ZNF445: variants seen among roughly 807,000 people sequenced by gnomAD.
ZNF445 encodes zinc finger protein 168.
Under a neutral mutation model 93.9 loss-of-function variants are expected in ZNF445, and 19 were observed. That is an observed-to-expected ratio of 0.20 (90% CI 0.14 to 0.30). The LOEUF is 0.30. ZNF445 is among the 10% of genes least tolerant of loss of function. The pLI, the probability that ZNF445 is intolerant of heterozygous loss-of-function variation, is 1.00. For missense variants in ZNF445, 1,058 were observed against 1,259.4 expected, an observed-to-expected ratio of 0.84 and a Z score of 2.42; for synonymous variants, 449 against 446.3, an observed-to-expected ratio of 1.01 and a Z score of -0.08.
rs1276804950 is a variant in ZNF445, at chr3:44,445,102, C to A, written c.*1473G>T. ...CAGCAGGCACATGCACTTGTTCCTT[C>A]GGGTTGAATCTGATTGCTAGCACCA... On this transcript the variant is annotated 3_prime_UTR_variant, in exon 8 of 8. Transcript: ENST00000396077. The A allele has an allele frequency of 1.3e-5, 2 of 152,228 alleles. No individual in the cohort carries two copies. Among genetic ancestry groups the A allele is most frequent in the Admixed American group, 1.3e-4 (2 of 15,282 alleles). 9.4% of individuals were successfully genotyped at this position (152,228 alleles called of 1,614,324 possible).
chr3:44,473,575 T>G (rs1014875511), intron 1 of ZNF445, among the ~76,000 whole-genome samples: 12 of 150,448 alleles, frequency 8.0e-5, no homozygotes, highest in African/African-American at 2.7e-4. Context: ...ATAATGGGAG[T>G]GCCCAAAATT....
At chr3:44,471,422 A>T (rs1698267218) in intron 1 of ZNF445, among the ~76,000 whole-genome samples, 1 of 152,188 alleles carries the variant, frequency 6.6e-6, no homozygotes, top group East Asian at 1.9e-4. Flanking sequence ...AGGTCTCAGA[A>T]CTTGTTGCAA....
chr3:44,473,179 C>G (rs561426094), intron 1 of ZNF445, among the ~76,000 whole-genome samples: 1 of 151,962 alleles, frequency 6.6e-6, no homozygotes. Flanking sequence ...AAATGCAGGC[C>G]GGGCGCAGTG....
chr3:44,473,487 AC>A lies in ZNF445; in HGVS notation c.-269+4103del, dbSNP rs1559400808. ...CACACACACACACACACACACACAC[AC>A]ACAAAAAATGCTTTCAGTATATATT... On this transcript the variant is annotated intron_variant, in intron 1 of 7. Transcript: ENST00000396077. 1.2e-3 allele frequency among the ~76,000 whole-genome samples: 74 copies of A among 59,988 alleles called. 1 individual carries two copies. The highest frequency in any genetic ancestry group is 2.5e-3 in the Admixed American group (11 of 4,478). The allele number at this position is 59,988 out of a possible 152,430, so 39.4% of individuals were successfully genotyped here.
chr3:44,466,571 G>A (rs891749102), intron 1 of ZNF445, among the ~76,000 whole-genome samples: 1 of 152,182 alleles, frequency 6.6e-6, no homozygotes, highest in South Asian at 2.1e-4. Context: ...TGCCATGGAG[G>A]TGGCAAATTT....
chr3:44,462,598 A>AC (rs1698132497), intron 1 of ZNF445, among the ~76,000 whole-genome samples: 1 of 151,572 alleles, frequency 6.6e-6, no homozygotes, highest in Non-Finnish European at 1.5e-5. Context: ...TTCCCCACCC[A>AC]CCCATGGATA....
chr3:44,455,267 G>A lies in ZNF445; in HGVS notation c.283C>T (p.Leu95=). Residue 95 remains leucine, a synonymous_variant, in exon 3 of 8, where the codon CTA becomes TTA. Coordinates refer to ENST00000396077, the MANE Select transcript of ZNF445 (RefSeq NM_181489.6). The part of the protein sequence containing the change: ...RPDVLSKAQI[L]ELLVLEQFLS... ...AACTGTTCCAGCACCAGCAGCTCTA[G>A]GATCTGTGCCTTGGAGAGAACGTCA... 2 of 1,614,190 alleles carry A rather than the reference G, an allele frequency of 1.2e-6. No homozygotes were observed. Among genetic ancestry groups the A allele is most frequent in the Non-Finnish European group, 1.7e-6 (2 of 1,180,024 alleles).
chr3:44,446,469 A>G lies in ZNF445; in HGVS notation c.*106T>C. 6.6e-7 allele frequency: 1 copy of G among 1,508,860 alleles called. No homozygotes were observed. Among genetic ancestry groups the G allele is most frequent in the Non-Finnish European group, 8.9e-7 (1 of 1,122,548 alleles). 93.5% of individuals were successfully genotyped at this position (1,508,860 alleles called of 1,614,324 possible). ...GGATTCTGTCACTAGCTTCCAAAAC[A>G]GAAAGGGCTGGGCCCTTTATCAAAG... On this transcript the variant is annotated 3_prime_UTR_variant, in exon 8 of 8. Coordinates refer to ENST00000396077, the MANE Select transcript of ZNF445 (RefSeq NM_181489.6). This position sits in a 1 kb window ranked among gnomAD's most constrained non-coding sequence, Gnocchi z 4.2.
chr3:44,473,491 A>ACACACACACACACAC (rs768926978), intron 1 of ZNF445, among the ~76,000 whole-genome samples: 1 of 89,900 alleles, frequency 1.1e-5, no homozygotes, highest in African/African-American at 3.3e-5. Context: ...ACACACACAC[A>ACACACACACACACAC]AAAAATGCTT....
At chr3:44,469,442 T>C (rs572622440) in intron 1 of ZNF445, among the ~76,000 whole-genome samples, 4 of 152,288 alleles carry the variant, frequency 2.6e-5, no homozygotes, top group African/African-American at 9.6e-5. Flanking sequence ...GATAGGAACA[T>C]GCATGACGGC....
chr3:44,452,235 C>G (rs1313485644), intron 3 of ZNF445, among the ~76,000 whole-genome samples: 1 of 151,938 alleles, frequency 6.6e-6, no homozygotes, highest in Non-Finnish European at 1.5e-5. Context: ...AGTCTTTATA[C>G]CAATATGGAC....
At chr3:44,461,274 T>C (rs949602186) in intron 1 of ZNF445, among the ~76,000 whole-genome samples, 7 of 152,178 alleles carry the variant, frequency 4.6e-5, no homozygotes, top group Non-Finnish European at 7.3e-5. Context: ...GGGTGTCTGT[T>C]TGGCTCCTGA....
chr3:44,447,384 TG>T lies in ZNF445; in HGVS notation c.2286del (p.Tyr762Ter). On this transcript the variant is annotated frameshift_variant, in exon 8 of 8. Coordinates refer to ENST00000396077, the MANE Select transcript of ZNF445 (RefSeq NM_181489.6). LOFTEE classifies it high-confidence loss of function. The surrounding 1 kb of genome is among the most constrained non-coding windows in gnomAD (Gnocchi z 4.7). ...PQSSHSKEEPYKCSQCGKAFR... is the reference protein window; with the variant it reads ...PQSSHSKEEPXKCSQCGKAFR... ...AAGGCCTTGCCACACTGGCTGCATT[TG>T]TAGGGCTCCTCTTTGGAGTGACTGC... 6.2e-7 allele frequency: 1 copy of T among 1,614,118 alleles called. No homozygotes were observed. The highest frequency in any genetic ancestry group is 1.7e-5 in the Admixed American group (1 of 60,028).
chr3:44,464,658 T>C (rs1236561937), intron 1 of ZNF445, among the ~76,000 whole-genome samples: 1 of 152,206 alleles, frequency 6.6e-6, no homozygotes, highest in African/African-American at 2.4e-5. Context: ...CTTCTGAGAA[T>C]TGTTCAATTT....
intron 1 of ZNF445, among the ~76,000 whole-genome samples, chr3:44,463,008 TC>T (rs1698139904): frequency 2.8e-5 from 3 of 107,074 alleles, no homozygotes; most frequent in Admixed American, 1.2e-4. Context: ...ATTATTTTTT[TC>T]TTTGTGTGTG....
intron 1 of ZNF445, among the ~76,000 whole-genome samples, chr3:44,473,453 T>TCTCACACACACACA (rs1491338197): frequency 1.6e-5 from 1 of 60,848 alleles, no homozygotes; most frequent in African/African-American, 8.3e-5. Flanking sequence ...AAACTCCACT[T>TCTCACACACACACA]CACACACACA....
Position 44,437,752 on chromosome 3 carries a change from TTCAG to T in ZNF445, c.*8819_*8822del, listed in dbSNP as rs1697714915. 1 of 152,244 alleles carries T rather than the reference TTCAG, an allele frequency of 6.6e-6. No homozygotes were observed. The highest frequency in any genetic ancestry group is 2.4e-5 in the African/African-American group (1 of 41,462). 9.4% of individuals were successfully genotyped at this position (152,244 alleles called of 1,614,324 possible). A position where few individuals can be genotyped will look rare whatever the true frequency, so the allele number is the denominator to read the frequency against. The stretch of plus-strand genomic sequence containing the variant: ...ATTTCTTTGGGGTTGGGGGGATTTC[TTCAG>T]TATCATCCTTTCTGTGGTTTGCCAG... On this transcript the variant is annotated 3_prime_UTR_variant, in exon 8 of 8. Transcript: ENST00000396077.
At chr3:44,460,213 C>T (rs114878915) in intron 1 of ZNF445, among the ~76,000 whole-genome samples, 1,862 of 152,250 alleles carry the variant, frequency 0.012, 34 homozygotes, top group African/African-American at 0.043. Context: ...ACTTAGACAG[C>T]GAAAGAGATC....
At position 44,455,112 on chromosome 3, in the gene ZNF445, C is replaced by A; in HGVS notation, c.429+9G>T. 2 of 1,614,102 alleles carry A rather than the reference C, an allele frequency of 1.2e-6. No homozygotes were observed. The highest frequency in any genetic ancestry group is 1.1e-5 in the South Asian group (1 of 91,080). ...GTTCCCTGGGCACCACACACTTGCT[C>A]ACACTCACCCTCCAGGATGTCCCAT... On this transcript the variant is annotated intron_variant, in intron 3 of 7. Coordinates refer to ENST00000396077, the MANE Select transcript of ZNF445 (RefSeq NM_181489.6).
Sources: gnomAD v4.1 joint callset for allele counts (sites outside exome capture counted in the v4.1 genomes callset) on GRCh38, gnomAD v4.1.1 for gene constraint, Gnocchi (gnomAD v3.1) non-coding constraint, MANE v1.5 for transcripts, NCBI Gene and HGNC (gene_info 2026-07-23, HGNC 2026-07-21) for gene names.